C8orf34: variants seen among roughly 807,000 people sequenced by gnomAD.
C8orf34 encodes the protein chromosome 8 open reading frame 34.
Under a neutral mutation model 68.3 loss-of-function variants are expected in C8orf34, and 65 were observed. The observed-to-expected ratio is 0.95, with a 90% CI of 0.78 to 1.17. C8orf34 has a LOEUF of 1.17. Among genes scored for constraint, C8orf34 ranks in the 50% most tolerant of loss-of-function variants. The pLI is 0.00. For missense variants in C8orf34, 664 were observed against 655.4 expected (o/e 1.01, Z -0.14); for synonymous variants, 244 against 241.2 (o/e 1.01, Z -0.11).
chr8:68,568,561 A>G (rs1050513014), intron 7 of C8orf34, among the ~76,000 whole-genome samples: 2 of 136,816 alleles, frequency 1.5e-5, no homozygotes, highest in East Asian at 2.0e-4. Context: ...CTTCAATTAG[A>G]AAAAAAAAAA....
At chr8:68,743,268 G>A (rs1431984668) in intron 10 of C8orf34, among the ~76,000 whole-genome samples, 2 of 152,200 alleles carry the variant, frequency 1.3e-5, no homozygotes, top group African/African-American at 2.4e-5. Context: ...AGGAGGAATA[G>A]CATGTTTTTT....
intron 3 of C8orf34, 64 bp from the exon 4 acceptor site, chr8:68,468,628 A>T: frequency 1.3e-6 from 2 of 1,517,258 alleles, no homozygotes; most frequent in Non-Finnish European, 1.8e-6. Context: ...TCACGTGATG[A>T]TGAATAGTCA....
At chr8:68,613,284 C>A (rs974209977) in intron 7 of C8orf34, among the ~76,000 whole-genome samples, 2 of 151,694 alleles carry the variant, frequency 1.3e-5, no homozygotes, top group African/African-American at 4.8e-5. Context: ...TATTTTATGC[C>A]TTTTTCTTTT....
intron 9 of C8orf34, among the ~76,000 whole-genome samples, chr8:68,710,934 C>T (rs1211820182): frequency 6.6e-6 from 1 of 152,192 alleles, no homozygotes; most frequent in African/African-American, 2.4e-5. Context: ...TGCTACCTCC[C>T]CCGGGGAAGG....
At chr8:68,597,376 A>T (rs1235310706) in intron 7 of C8orf34, among the ~76,000 whole-genome samples, 1 of 152,150 alleles carries the variant, frequency 6.6e-6, no homozygotes, top group Non-Finnish European at 1.5e-5. Flanking sequence ...ACTTATTTTT[A>T]AAAATGATTT....
chr8:68,565,155 C>T (rs550098294), intron 7 of C8orf34, among the ~76,000 whole-genome samples: 1 of 152,232 alleles, frequency 6.6e-6, no homozygotes, highest in South Asian at 2.1e-4. Flanking sequence ...ATGTCTAACC[C>T]CTTTCTACTT....
At chr8:68,771,044 T>C (rs1383440883) in intron 10 of C8orf34, among the ~76,000 whole-genome samples, 1 of 152,164 alleles carries the variant, frequency 6.6e-6, no homozygotes, top group Non-Finnish European at 1.5e-5. Flanking sequence ...ATTTGGAAGA[T>C]TGTGGGCAAA....
chr8:68,612,111 T>A (rs1181741232), intron 7 of C8orf34, among the ~76,000 whole-genome samples: 2 of 151,986 alleles, frequency 1.3e-5, no homozygotes, highest in African/African-American at 2.4e-5. Flanking sequence ...TTCCCATAGC[T>A]TTAGGGAGGT....
chr8:68,685,765 A>T (rs1199055907), intron 8 of C8orf34, among the ~76,000 whole-genome samples: 1 of 151,906 alleles, frequency 6.6e-6, no homozygotes, highest in Non-Finnish European at 1.5e-5. Context: ...ACTTCCAGCT[A>T]CTCAGGAGGC....
At chr8:68,742,876 C>A (rs2129527300) in intron 10 of C8orf34, among the ~76,000 whole-genome samples, 1 of 152,302 alleles carries the variant, frequency 6.6e-6, no homozygotes, top group Admixed American at 6.5e-5. Flanking sequence ...TTAATTACCA[C>A]TTTTTCTTCC....
intron 1 of C8orf34, among the ~76,000 whole-genome samples, chr8:68,337,788 A>T (rs1393841636): frequency 6.6e-6 from 1 of 152,250 alleles, no homozygotes; most frequent in Non-Finnish European, 1.5e-5. Flanking sequence ...TACAATAAAT[A>T]GCTACAAATC....
At chr8:68,378,635 A>G (rs1204998412) in intron 1 of C8orf34, among the ~76,000 whole-genome samples, 1 of 152,176 alleles carries the variant, frequency 6.6e-6, no homozygotes, top group South Asian at 2.1e-4. Flanking sequence ...ACAGAGCAGA[A>G]ATAACCAAGT....
intron 1 of C8orf34, among the ~76,000 whole-genome samples, chr8:68,364,903 A>G (rs1200289112): frequency 6.6e-6 from 1 of 152,158 alleles, no homozygotes. Flanking sequence ...ATCAGAGAAG[A>G]ACTGAAGGAA....
intron 5 of C8orf34, among the ~76,000 whole-genome samples, chr8:68,499,746 A>G (rs1813685880): frequency 6.6e-6 from 1 of 152,214 alleles, no homozygotes; most frequent in African/African-American, 2.4e-5. Context: ...CAGGTGATCA[A>G]GGTTAATACC....
At chr8:68,413,743 C>G (rs1809543367) in intron 1 of C8orf34, among the ~76,000 whole-genome samples, 2 of 152,230 alleles carry the variant, frequency 1.3e-5, no homozygotes, top group Admixed American at 1.3e-4. Flanking sequence ...TCCACCCTCA[C>G]TTACACCACC....
chr8:68,444,825 C>A (rs999240081), intron 2 of C8orf34, among the ~76,000 whole-genome samples: 2 of 152,122 alleles, frequency 1.3e-5, no homozygotes, highest in African/African-American at 4.8e-5. Flanking sequence ...CATTTCATTC[C>A]TCTCTGGCTC....
intron 7 of C8orf34, among the ~76,000 whole-genome samples, chr8:68,610,719 A>C (rs1200092040): frequency 6.6e-6 from 1 of 152,154 alleles, no homozygotes; most frequent in South Asian, 2.1e-4. Flanking sequence ...ATAAAAAAAC[A>C]GTCAGGGACT....
chr8:68,518,777 C>T (rs1022582022), intron 5 of C8orf34, among the ~76,000 whole-genome samples: 56 of 151,158 alleles, frequency 3.7e-4, no homozygotes, highest in African/African-American at 1.3e-3. Context: ...ACACCTGTAC[C>T]CAGCTATTTG....
intron 4 of C8orf34, among the ~76,000 whole-genome samples, chr8:68,483,448 C>T (rs1812945214): frequency 6.6e-6 from 1 of 152,102 alleles, no homozygotes; most frequent in South Asian, 2.1e-4. Context: ...CGTTATCTTC[C>T]AGACCCAGGG....
Sources: allele counts gnomAD v4.1 joint callset (sites outside exome capture counted in the v4.1 genomes callset), GRCh38; gene constraint gnomAD v4.1.1; transcripts MANE v1.5; gene names NCBI Gene and HGNC (gene_info 2026-07-23, HGNC 2026-07-21).